GAN: variants seen among roughly 807,000 people sequenced by gnomAD.
GAN encodes epididymis secretory sperm binding protein.
GAN carries 48 observed loss-of-function variants against 71.3 expected under a neutral mutation model. The ratio of observed to expected loss-of-function variants is 0.67; its 90% CI spans 0.53 to 0.86. GAN has a LOEUF of 0.86. Among genes scored for constraint, GAN ranks in the 40% least tolerant of loss-of-function variants. The pLI, the probability that GAN is intolerant of heterozygous loss-of-function variation, is 0.00. For missense variants in GAN, 928 were observed against 770.1 expected, an observed-to-expected ratio of 1.21 and a Z score of -2.43; for synonymous variants, 386 against 276.8, an observed-to-expected ratio of 1.39 and a Z score of -3.92.
intron 7 of GAN, 117 bp from the exon 8 acceptor site, chr16:81,364,857 T>TTAGAAATCAAACCCC: frequency 2.0e-6 from 2 of 1,004,276 alleles, no homozygotes; most frequent in Non-Finnish European, 3.2e-6. Context: ...CGTTTTACGG[T>TTAGAAATCAAACCCC]TAGAAATCAA....
In GAN at chr16:81,315,160, TG is replaced by T; in HGVS notation, c.48del (p.Leu17CysfsTer43). ...AVSDPQHAAR[L>X]LRALSSFREE... is the part of the protein sequence containing the mutation. ...TCTGACCCTCAGCACGCCGCGCGTC[TG>T]CTGCGAGCGCTCAGCTCTTTCCGCG... On this transcript the variant is annotated frameshift_variant, in exon 1 of 11. Coordinates refer to ENST00000648994, the MANE Select transcript of GAN (RefSeq NM_022041.4). LOFTEE classifies it high-confidence loss of function. The T allele has an allele frequency of 6.4e-7, 1 of 1,555,964 alleles. No homozygotes were observed. The highest frequency in any genetic ancestry group is 8.7e-7 in the Non-Finnish European group (1 of 1,153,442).
chr16:81,333,228 C>T (rs987305027), intron 1 of GAN, among the ~76,000 whole-genome samples: 19 of 136,146 alleles, frequency 1.4e-4, no homozygotes, highest in African/African-American at 4.5e-4. Context: ...GGCAACAGAG[C>T]GAGACTCCAT....
intron 6 of GAN, among the ~76,000 whole-genome samples, chr16:81,363,202 C>T (rs752835637): frequency 6.6e-6 from 1 of 152,244 alleles, no homozygotes; most frequent in East Asian, 1.9e-4. Flanking sequence ...GCCTTTCCCA[C>T]GTCAACTTGA....
chr16:81,329,722 C>T (rs898360217), intron 1 of GAN, among the ~76,000 whole-genome samples: 2 of 152,170 alleles, frequency 1.3e-5, no homozygotes, highest in African/African-American at 2.4e-5. Context: ...GTCCCATGTT[C>T]CTCACAGCCT....
intron 1 of GAN, among the ~76,000 whole-genome samples, chr16:81,330,859 A>T (rs1048579416): frequency 6.6e-6 from 1 of 152,254 alleles, no homozygotes; most frequent in African/African-American, 2.4e-5. Flanking sequence ...CTTCTGCCTG[A>T]TACGATATTT....
intron 6 of GAN, 85 bp from the exon 7 acceptor site, chr16:81,363,709 C>G (rs538440563): frequency 1.4e-6 from 2 of 1,387,934 alleles, no homozygotes; most frequent in Admixed American, 1.7e-5. Context: ...CTTTATGTTT[C>G]TCTAATTTTT....
rs1479884495 is a variant in GAN, at chr16:81,389,345, A to G, written c.*11749A>G. The G allele has an allele frequency of 1.3e-5, 2 of 152,152 alleles. No homozygotes were observed. Among genetic ancestry groups the G allele is most frequent in the East Asian group, 3.8e-4 (2 of 5,196 alleles). The allele number at this position is 152,152 out of a possible 1,614,324, so 9.4% of individuals were successfully genotyped here. A position where few individuals can be genotyped will look rare whatever the true frequency, so the allele number is the denominator to read the frequency against. On this transcript the variant is annotated 3_prime_UTR_variant, in exon 11 of 11. Coordinates refer to ENST00000648994, the MANE Select transcript of GAN (RefSeq NM_022041.4). ...GGTGATACCCTTTGTTTTTTGTATC[A>G]TACCTTTTGTGAATTGTGACAACCA...
chr16:81,370,591 T>C lies in GAN; in HGVS notation c.1502+5113T>C, dbSNP rs117053147. On this transcript the variant is annotated intron_variant, in intron 9 of 10. Transcript: ENST00000648994. ...CCCACAGGGCTGAGATTCATCCCAT[T>C]GGAAGTGTGTGTGCTGAGGCCGCTG... 2.6e-3 allele frequency among the ~76,000 whole-genome samples: 394 copies of C among 152,338 alleles called. 2 individuals are homozygous for C. Among genetic ancestry groups the C allele is most frequent in the South Asian group, 7.0e-3 (34 of 4,828 alleles).
chr16:81,383,747 A>G lies in GAN; in HGVS notation c.*6151A>G, dbSNP rs1284882118. 1 of 152,156 alleles carries G rather than the reference A, an allele frequency of 6.6e-6. No homozygotes were observed. Among genetic ancestry groups the G allele is most frequent in the Non-Finnish European group, 1.5e-5 (1 of 68,020 alleles). The allele number at this position is 152,156 out of a possible 1,614,324, so 9.4% of individuals were successfully genotyped here. ...TATGAATTAGAGAAGGAACAGGTGGAAAAGGATGGCAACACACAGAGTCCG... is the reference window on the plus strand; with the variant it reads ...TATGAATTAGAGAAGGAACAGGTGGGAAAGGATGGCAACACACAGAGTCCG... On this transcript the variant is annotated 3_prime_UTR_variant, in exon 11 of 11. Transcript: ENST00000648994.
At position 81,382,311 on chromosome 16, in the gene GAN, T is replaced by A. The variant is rs1418043139; in HGVS notation, c.*4715T>A. The A allele has an allele frequency of 1.3e-5, 2 of 152,336 alleles. No individual in the cohort carries two copies. The highest frequency in any genetic ancestry group is 3.9e-4 in the East Asian group (2 of 5,190). 9.4% of individuals were successfully genotyped at this position (152,336 alleles called of 1,614,324 possible). ...CATACAAGTATTTTTAGTAATAGAA[T>A]AATCATTTTTAGTATTAATACAATT... is the stretch of plus-strand genomic sequence containing the variant. On this transcript the variant is annotated 3_prime_UTR_variant, in exon 11 of 11. Coordinates refer to ENST00000648994, the MANE Select transcript of GAN (RefSeq NM_022041.4).
intron 2 of GAN, among the ~76,000 whole-genome samples, chr16:81,352,061 A>G (rs1567490355): frequency 6.6e-6 from 1 of 152,200 alleles, no homozygotes; most frequent in Non-Finnish European, 1.5e-5. Context: ...GACTGGGGAT[A>G]CAAAACTTGT....
chr16:81,363,836 T>G lies in GAN; in HGVS notation c.1129T>G (p.Tyr377Asp). The G allele has an allele frequency of 6.2e-7, 1 of 1,612,746 alleles. No homozygotes were observed. Among genetic ancestry groups the G allele is most frequent in the Non-Finnish European group, 8.5e-7 (1 of 1,178,684 alleles). The stretch of plus-strand genomic sequence containing the variant: ...AATTGTGGAGATAGATGGGATGCTG[T>G]ACATTTTGGGAGGAGAGGATGGTGA... ...FGIVEIDGML[Y>D]ILGGEDGEKE... The change falls in exon 7 of 11, where the codon TAC (tyrosine) becomes GAC (aspartate). Residue 377 changes from tyrosine to aspartate, a missense_variant. Physicochemically the swap from Tyr to Asp is radical, Grantham distance 160. Transcript: ENST00000648994.
rs1460356397 is a variant in GAN at position 81,379,373 on chromosome 16, C to A, written c.*1777C>A. 1 of 152,132 alleles carries A rather than the reference C, an allele frequency of 6.6e-6. No homozygotes were observed. Among genetic ancestry groups the A allele is most frequent in the Non-Finnish European group, 1.5e-5 (1 of 68,020 alleles). The allele number at this position is 152,132 out of a possible 1,614,324, so 9.4% of individuals were successfully genotyped here. ...AACTCTCCATTTTAGCCAGAAGATA[C>A]CTGATAAGAGAAGGTGTAAGGTTTT... is the stretch of plus-strand genomic sequence containing the variant. On this transcript the variant is annotated 3_prime_UTR_variant, in exon 11 of 11. Transcript: ENST00000648994.
Position 81,369,326 on chromosome 16 carries a change from T to C in GAN, c.1502+3848T>C, listed in dbSNP as rs149386768. Among the ~76,000 whole-genome samples, 351 of 152,252 alleles carry C rather than the reference T, an allele frequency of 2.3e-3. 2 individuals carry two copies. The highest frequency in any genetic ancestry group is 7.9e-3 in the African/African-American group (328 of 41,530). ...CAAAATAGAAAACCAGAAACAATAC[T>C]GCATCCTGGGTGAATCTGCAAAAAC... On this transcript the variant is annotated intron_variant, in intron 9 of 10. Coordinates refer to ENST00000648994, the MANE Select transcript of GAN (RefSeq NM_022041.4).
intron 1 of GAN, among the ~76,000 whole-genome samples, chr16:81,340,714 G>GAGA (rs1567485572): frequency 6.7e-6 from 1 of 149,222 alleles, no homozygotes; most frequent in African/African-American, 2.5e-5. Context: ...TTCTTTGGAG[G>GAGA]AGAAGAGAAT....
intron 3 of GAN, among the ~76,000 whole-genome samples, chr16:81,356,126 T>C (rs1910477046): frequency 1.3e-5 from 2 of 152,248 alleles, no homozygotes; most frequent in African/African-American, 4.8e-5. Context: ...TTCTTTGTCC[T>C]TTGGTCAGTT....
rs1436905177 is a variant in GAN, at chr16:81,386,498, C to G, written c.*8902C>G. On this transcript the variant is annotated 3_prime_UTR_variant, in exon 11 of 11. Transcript: ENST00000648994. ...AAGAAGGTTATTTAACAAAGTGGTA[C>G]AAACAGTGAACTACTTAATCCTTCT... The G allele has an allele frequency of 1.3e-5, 2 of 152,226 alleles. No homozygotes were observed. Among genetic ancestry groups the G allele is most frequent in the Admixed American group, 6.5e-5 (1 of 15,286 alleles). The allele number at this position is 152,226 out of a possible 1,614,324, so 9.4% of individuals were successfully genotyped here.
chr16:81,327,046 C>T (rs928683140), intron 1 of GAN, among the ~76,000 whole-genome samples: 11 of 152,202 alleles, frequency 7.2e-5, no homozygotes, highest in Non-Finnish European at 1.5e-4. Context: ...AACCATTTTG[C>T]AACAGAGTTT....
At position 81,385,584 on chromosome 16, in the gene GAN, T is replaced by G. The variant is rs1161029855; in HGVS notation, c.*7988T>G. The G allele has an allele frequency of 6.6e-6, 1 of 152,186 alleles. No individual in the cohort carries two copies. Among genetic ancestry groups the G allele is most frequent in the Non-Finnish European group, 1.5e-5 (1 of 68,094 alleles). The allele number at this position is 152,186 out of a possible 1,614,324, so 9.4% of individuals were successfully genotyped here. A position where few individuals can be genotyped will look rare whatever the true frequency, so the allele number is the denominator to read the frequency against. ...TAAGCAGCTGGGAGAGTGCCTTGTG[T>G]GCAGTGACCACTGTTGCTGCCACCA... On this transcript the variant is annotated 3_prime_UTR_variant, in exon 11 of 11. Coordinates refer to ENST00000648994, the MANE Select transcript of GAN (RefSeq NM_022041.4).
Sources: allele counts gnomAD v4.1 joint callset (sites outside exome capture counted in the v4.1 genomes callset), GRCh38; gene constraint gnomAD v4.1.1; transcripts MANE v1.5; gene names NCBI Gene and HGNC (gene_info 2026-07-23, HGNC 2026-07-21).